The following GALNT13 variants were observed in gnomAD, a reference collection of about 807,000 sequenced individuals.
GALNT13 encodes UDP-GalNAc:polypeptide N-acetylgalactosaminyltransferase 13.
Under a neutral mutation model 64.2 loss-of-function variants are expected in GALNT13, and 28 were observed. That is an observed-to-expected ratio of 0.44 (90% CI 0.32 to 0.60). GALNT13 has a LOEUF of 0.60. GALNT13 is among the 20% of genes least tolerant of loss of function. GALNT13 has a pLI of 0.05. For missense variants in GALNT13, 577 were observed against 669.8 expected, an observed-to-expected ratio of 0.86 and a Z score of 1.53; for synonymous variants, 214 against 224.6, an observed-to-expected ratio of 0.95 and a Z score of 0.42.
chr2:154,298,660 T>A lies in GALNT13; in HGVS notation c.976-2749T>A, dbSNP rs867712830. 7.5e-3 allele frequency among the ~76,000 whole-genome samples: 404 copies of A among 53,622 alleles called. 54 individuals carry two copies. Among genetic ancestry groups the A allele is most frequent in the East Asian group, 0.015 (26 of 1,740 alleles). 35.2% of individuals were successfully genotyped at this position (53,622 alleles called of 152,430 possible). A position where few individuals can be genotyped will look rare whatever the true frequency, so the allele number is the denominator to read the frequency against. On this transcript the variant is annotated intron_variant, in intron 8 of 12. Coordinates refer to ENST00000392825, the MANE Select transcript of GALNT13 (RefSeq NM_052917.4). ...ATTTATATATACATTGTATATACAA[T>A]TTATATATACATTGTATATACAATT... is the stretch of plus-strand genomic sequence containing the variant.
At chr2:153,532,696 G>A in the GALNT13 span, among the ~76,000 whole-genome samples, 2 of 151,990 alleles carry the variant, frequency 1.3e-5, no homozygotes, top group Non-Finnish European at 2.9e-5. Flanking sequence ...GTGAGCATAG[G>A]CTGTTAAAAA....
chr2:153,907,181 T>A (rs1396461110), intron 2 of GALNT13, among the ~76,000 whole-genome samples: 1 of 151,842 alleles, frequency 6.6e-6, no homozygotes, highest in Non-Finnish European at 1.5e-5. Context: ...GAAAATTTTC[T>A]CCCATTTTGT....
At chr2:153,476,881 C>T in the GALNT13 span, among the ~76,000 whole-genome samples, 2 of 152,228 alleles carry the variant, frequency 1.3e-5, no homozygotes, top group Admixed American at 1.3e-4. Context: ...CCCTCCGCCC[C>T]CCGGCCCCAC....
At chr2:154,296,289 G>A (rs1285793929) in intron 8 of GALNT13, among the ~76,000 whole-genome samples, 1 of 152,128 alleles carries the variant, frequency 6.6e-6, no homozygotes, top group Non-Finnish European at 1.5e-5. Flanking sequence ...ATTGGGAGTG[G>A]TCTCTCTTTT....
intron 9 of GALNT13, among the ~76,000 whole-genome samples, chr2:154,392,192 C>A (rs1346426911): frequency 6.6e-6 from 1 of 152,114 alleles, no homozygotes; most frequent in Non-Finnish European, 1.5e-5. Context: ...AGTCAATCAC[C>A]AAGACAACCA....
the GALNT13 span, among the ~76,000 whole-genome samples, chr2:153,752,147 A>T: frequency 6.6e-6 from 1 of 151,946 alleles, no homozygotes; most frequent in East Asian, 1.9e-4. Flanking sequence ...CCTGCTTTTA[A>T]ATTATTGTTA....
chr2:153,645,276 C>G, the GALNT13 span, among the ~76,000 whole-genome samples: 1 of 151,982 alleles, frequency 6.6e-6, no homozygotes, highest in Non-Finnish European at 1.5e-5. Context: ...AATTTAACGA[C>G]CTTTTAAATG....
At chr2:153,526,864 C>CA in the GALNT13 span, among the ~76,000 whole-genome samples, 2,166 of 151,998 alleles carry the variant, frequency 0.014, 57 homozygotes, top group African/African-American at 0.049. Flanking sequence ...TAAAAATAAA[C>CA]AAGCAGAAGT....
At chr2:153,559,809 G>A in the GALNT13 span, among the ~76,000 whole-genome samples, 31 of 152,050 alleles carry the variant, frequency 2.0e-4, no homozygotes, top group Non-Finnish European at 3.2e-4. Context: ...CTGTCAAGAG[G>A]AGTTTTATTT....
intron 9 of GALNT13, among the ~76,000 whole-genome samples, chr2:154,367,565 C>A (rs1007983261): frequency 2.0e-5 from 3 of 152,106 alleles, no homozygotes; most frequent in Non-Finnish European, 4.4e-5. Flanking sequence ...TCACTACTTA[C>A]CATTTCAAGA....
At chr2:153,164,305 A>G in the GALNT13 span, among the ~76,000 whole-genome samples, 1,240 of 152,316 alleles carry the variant, frequency 8.1e-3, 14 homozygotes, top group African/African-American at 0.028. Flanking sequence ...TGTATACATA[A>G]ACATATATAT....
At chr2:153,900,666 T>C (rs1174637764) in intron 1 of GALNT13, among the ~76,000 whole-genome samples, 1 of 152,206 alleles carries the variant, frequency 6.6e-6, no homozygotes. Context: ...GCACTGTGTT[T>C]CTTGCATATA....
At chr2:153,928,662 C>T (rs1690311689) in intron 2 of GALNT13, among the ~76,000 whole-genome samples, 1 of 152,120 alleles carries the variant, frequency 6.6e-6, no homozygotes, top group Non-Finnish European at 1.5e-5. Flanking sequence ...TTTAAAATCA[C>T]TAAATTTCAT....
At chr2:153,679,770 T>A in the GALNT13 span, among the ~76,000 whole-genome samples, 1 of 152,052 alleles carries the variant, frequency 6.6e-6, no homozygotes, top group Admixed American at 6.6e-5. Flanking sequence ...CAAATTATTA[T>A]GTGCATCCTT....
At chr2:153,945,122 G>A (rs978836095) in intron 3 of GALNT13, among the ~76,000 whole-genome samples, 1 of 152,042 alleles carries the variant, frequency 6.6e-6, no homozygotes, top group Non-Finnish European at 1.5e-5. Context: ...AACACATGGC[G>A]GTATGCAGAT....
intron 3 of GALNT13, among the ~76,000 whole-genome samples, chr2:153,946,223 C>A (rs1691731010): frequency 1.3e-5 from 2 of 152,056 alleles, no homozygotes; most frequent in South Asian, 4.1e-4. Flanking sequence ...TGGTCACATA[C>A]AAAAAATGTA....
the GALNT13 span, among the ~76,000 whole-genome samples, chr2:153,259,515 A>T: frequency 1.3e-5 from 2 of 152,160 alleles, no homozygotes. Context: ...AGTAGCTCCC[A>T]TAATCCCCAT....
chr2:154,310,969 T>TATATATTCATAGAATATTCTAAGAAC (rs1694001217), intron 9 of GALNT13, among the ~76,000 whole-genome samples: 2 of 152,042 alleles, frequency 1.3e-5, no homozygotes, highest in Non-Finnish European at 2.9e-5. Context: ...ATTCTAAGAA[T>TATATATTCATAGAATATTCTAAGAAC]ATATATTCAT....
intron 2 of GALNT13, among the ~76,000 whole-genome samples, chr2:153,939,251 A>T (rs957208594): frequency 6.6e-6 from 1 of 152,174 alleles, no homozygotes; most frequent in Non-Finnish European, 1.5e-5. Context: ...CCATGAACCT[A>T]TGACTGGGCA....
Sources: allele counts gnomAD v4.1 joint callset (sites outside exome capture counted in the v4.1 genomes callset), GRCh38; gene constraint gnomAD v4.1.1; transcripts MANE v1.5; gene names NCBI Gene and HGNC (gene_info 2026-07-23, HGNC 2026-07-21).